Variants in ERBB4 observed in about 807,000 individuals in gnomAD.
ERBB4 encodes receptor tyrosine-protein kinase erbB-4.
Under a neutral mutation model 158.0 loss-of-function variants are expected in ERBB4, and 42 were observed. The ratio of observed to expected loss-of-function variants is 0.27; its 90% CI spans 0.21 to 0.34. ERBB4 has a LOEUF of 0.34. ERBB4 is among the 10% of genes least tolerant of loss of function. ERBB4 has a pLI of 1.00. For missense variants in ERBB4, 1,333 were observed against 1,624.1 expected (o/e 0.82, Z 3.08); for synonymous variants, 583 against 558.7 (o/e 1.04, Z -0.61).
intron 12 of ERBB4, among the ~76,000 whole-genome samples, chr2:211,687,743 A>T (rs74591502): frequency 0.021 from 3,231 of 152,162 alleles, 113 homozygotes; most frequent in African/African-American, 0.075. Flanking sequence ...TCTGGGATAT[A>T]TGCAGCAAAA....
intron 20 of ERBB4, among the ~76,000 whole-genome samples, chr2:211,517,463 T>C (rs2125631016): frequency 6.6e-6 from 1 of 152,272 alleles, no homozygotes; most frequent in East Asian, 1.9e-4. Context: ...AATAGTTTCC[T>C]GTATCTTTTC....
At chr2:212,135,589 C>T (rs2080247762) in intron 1 of ERBB4, among the ~76,000 whole-genome samples, 1 of 152,050 alleles carries the variant, frequency 6.6e-6, no homozygotes, top group South Asian at 2.1e-4. Flanking sequence ...AAAGGCTTTA[C>T]AGATTTAGAA....
chr2:212,110,838 GCTTAA>G (rs1171611679), intron 2 of ERBB4, among the ~76,000 whole-genome samples: 1 of 150,330 alleles, frequency 6.7e-6, no homozygotes, highest in Admixed American at 6.7e-5. Flanking sequence ...TGTTTACTGA[GCTTAA>G]CTTCTTGTTT....
rs1034501623 is a variant in ERBB4, at chr2:211,772,850, T to C, written c.556+15175A>G. On this transcript the variant is annotated intron_variant, in intron 4 of 27. Coordinates refer to ENST00000342788, the MANE Select transcript of ERBB4 (RefSeq NM_005235.3). ...ATATATATATACACATATATATATA[T>C]ATATATATATATATATATACACATA... Among the ~76,000 whole-genome samples, 270 of 67,484 alleles carry C rather than the reference T, an allele frequency of 4.0e-3. 12 individuals are homozygous for C. Among genetic ancestry groups the C allele is most frequent in the South Asian group, 7.2e-3 (11 of 1,538 alleles). 44.3% of individuals were successfully genotyped at this position (67,484 alleles called of 152,430 possible). A position where few individuals can be genotyped will look rare whatever the true frequency, so the allele number is the denominator to read the frequency against.
chr2:211,613,923 T>A (rs2069290793), intron 19 of ERBB4, among the ~76,000 whole-genome samples: 1 of 152,066 alleles, frequency 6.6e-6, no homozygotes, highest in Non-Finnish European at 1.5e-5. Flanking sequence ...GCTGGGTATA[T>A]ACGCAAAATA....
intron 9 of ERBB4, among the ~76,000 whole-genome samples, chr2:211,706,574 T>C (rs992892229): frequency 5.4e-5 from 8 of 148,048 alleles, no homozygotes; most frequent in African/African-American, 2.0e-4. Flanking sequence ...TCTTCTCTAC[T>C]GGAAACCATT....
At chr2:212,181,466 C>T (rs952179457) in intron 1 of ERBB4, among the ~76,000 whole-genome samples, 1 of 151,514 alleles carries the variant, frequency 6.6e-6, no homozygotes, top group Non-Finnish European at 1.5e-5. Context: ...CTCTTGAAAA[C>T]CTATAAATAA....
intron 3 of ERBB4, among the ~76,000 whole-genome samples, chr2:211,921,003 A>G (rs2079845392): frequency 6.6e-6 from 1 of 152,032 alleles, no homozygotes. Flanking sequence ...ACAAATATAT[A>G]TAATATTCAG....
chr2:211,420,642 T>C (rs376718304), intron 24 of ERBB4, 31 bp from the exon 25 acceptor site: 6 of 1,580,866 alleles, frequency 3.8e-6, no homozygotes, highest in African/African-American at 2.7e-5. Flanking sequence ...CAGACACAAA[T>C]ATGATTCTTT....
intron 1 of ERBB4, among the ~76,000 whole-genome samples, chr2:212,284,848 C>G (rs191076881): frequency 6.6e-6 from 1 of 152,038 alleles, no homozygotes; most frequent in African/African-American, 2.4e-5. Context: ...AGAATCTTCT[C>G]GGAAAAGCTC....
chr2:211,860,228 T>G (rs2077977224), intron 3 of ERBB4, among the ~76,000 whole-genome samples: 1 of 152,150 alleles, frequency 6.6e-6, no homozygotes, highest in Non-Finnish European at 1.5e-5. Flanking sequence ...GAAACAAGAT[T>G]TGCCTTTCAC....
At chr2:211,480,666 A>T (rs1304503283) in intron 20 of ERBB4, among the ~76,000 whole-genome samples, 2 of 152,146 alleles carry the variant, frequency 1.3e-5, no homozygotes, top group Non-Finnish European at 2.9e-5. Flanking sequence ...CTTGGGTATG[A>T]GGAATCTGGT....
At chr2:212,467,547 C>T (rs1366279714) in intron 1 of ERBB4, among the ~76,000 whole-genome samples, 9 of 152,278 alleles carry the variant, frequency 5.9e-5, no homozygotes, top group South Asian at 2.1e-4. Context: ...ATGTTGAGCC[C>T]GCCAGTGCAC....
intron 1 of ERBB4, among the ~76,000 whole-genome samples, chr2:212,345,400 C>T (rs2088948628): frequency 6.6e-6 from 1 of 151,934 alleles, no homozygotes; most frequent in Admixed American, 6.6e-5. Context: ...ACTGTGCTCC[C>T]ACAGGAGACA....
chr2:211,667,507 ACTT>A (rs1172309342), intron 14 of ERBB4, among the ~76,000 whole-genome samples: 1 of 152,004 alleles, frequency 6.6e-6, no homozygotes, highest in East Asian at 1.9e-4. Flanking sequence ...GCTAATGGTA[ACTT>A]CTTATTTCTT....
chr2:212,394,958 A>G (rs2090980949), intron 1 of ERBB4, among the ~76,000 whole-genome samples: 1 of 152,164 alleles, frequency 6.6e-6, no homozygotes, highest in African/African-American at 2.4e-5. Context: ...TTAAACGTCA[A>G]CTTCCAGATC....
At chr2:211,701,756 CAAAAAAAA>C (rs71409856) in intron 12 of ERBB4, among the ~76,000 whole-genome samples, 1,012 of 66,612 alleles carry the variant, frequency 0.015, 10 homozygotes, top group African/African-American at 0.04. Context: ...GACTCCGTCT[CAAAAAAAA>C]AAAAAAAAAA....
At chr2:212,396,085 T>A (rs954209204) in intron 1 of ERBB4, among the ~76,000 whole-genome samples, 2 of 152,170 alleles carry the variant, frequency 1.3e-5, no homozygotes, top group Non-Finnish European at 1.5e-5. Context: ...CTGCCAAAAA[T>A]TCTGATTTTT....
chr2:212,468,582 A>AACTT (rs1432710621), intron 1 of ERBB4, among the ~76,000 whole-genome samples: 1 of 152,154 alleles, frequency 6.6e-6, no homozygotes, highest in Non-Finnish European at 1.5e-5. Flanking sequence ...AAGTCCAATA[A>AACTT]ACTTCTTTAT....
Sources: allele counts gnomAD v4.1 joint callset (sites outside exome capture counted in the v4.1 genomes callset), GRCh38; gene constraint gnomAD v4.1.1; transcripts MANE v1.5; gene names NCBI Gene and HGNC (gene_info 2026-07-23, HGNC 2026-07-21).